HSD17B4: variants seen among roughly 807,000 people sequenced by gnomAD.
HSD17B4 encodes hydroxysteroid 17-beta dehydrogenase 4, also known as peroxisomal multifunctional enzyme type 2.
HSD17B4 carries 70 observed loss-of-function variants against 101.0 expected under a neutral mutation model. The observed-to-expected ratio is 0.69, with a 90% confidence interval of 0.57 to 0.85. The LOEUF is 0.85. Among genes scored for constraint, HSD17B4 ranks in the 40% least tolerant of loss-of-function variants. The pLI is 0.00. For missense variants in HSD17B4, 984 were observed against 892.4 expected, an observed-to-expected ratio of 1.10 and a Z score of -1.31; for synonymous variants, 347 against 297.1, an observed-to-expected ratio of 1.17 and a Z score of -1.73.
At position 119,507,905 on chromosome 5, in the gene HSD17B4, T is replaced by C. The variant is rs547197717; in HGVS notation, c.1333+1016T>C. Among the ~76,000 whole-genome samples the C allele has an allele frequency of 7.9e-5, 12 of 152,228 alleles. No individual in the cohort carries two copies. In the East Asian group the frequency reaches 1.2e-3, roughly 15 times the overall value. ...AAAAGTAGATATTTGTTGTCAGTGA[T>C]TTTGGAACCCAAGAACAGTATAAAG... On this transcript the variant is annotated intron_variant, in intron 15 of 23. Coordinates refer to ENST00000510025, the MANE Select transcript of HSD17B4 (RefSeq NM_000414.4).
chr5:119,457,881 A>T (rs1405480243), intron 2 of HSD17B4, among the ~76,000 whole-genome samples: 2 of 152,078 alleles, frequency 1.3e-5, no homozygotes, highest in Non-Finnish European at 2.9e-5. Context: ...TGTGTTTGAG[A>T]TTGGTTGAAT....
At chr5:119,541,836 A>T in intron 23 of HSD17B4, 69 bp from the exon 24 acceptor site, 1 of 794,350 alleles carries the variant, frequency 1.3e-6, no homozygotes, top group Non-Finnish European at 1.9e-6. Flanking sequence ...AATAATCTTA[A>T]AAAAAAAAAA....
chr5:119,455,486 C>T (rs551195545), intron 1 of HSD17B4, among the ~76,000 whole-genome samples: 1 of 151,598 alleles, frequency 6.6e-6, no homozygotes, highest in South Asian at 2.1e-4. Flanking sequence ...CACTGCACTC[C>T]AGCCTGGGCG....
Position 119,519,110 on chromosome 5 carries a change from T to C in HSD17B4, c.1503+4064T>C, listed in dbSNP as rs367767809. ...CTGTGATTACACCACTGCACTCCAG[T>C]CTAGGTAACAGAGCAAGACCCTGTC... On this transcript the variant is annotated intron_variant, in intron 17 of 23. Coordinates refer to ENST00000510025, the MANE Select transcript of HSD17B4 (RefSeq NM_000414.4). Among the ~76,000 whole-genome samples, 3 of 152,102 alleles carry C rather than the reference T, an allele frequency of 2.0e-5. No homozygotes were observed. The East Asian group carries it at 5.8e-4, about 29-fold the overall frequency.
rs138152741 is a variant in HSD17B4 at position 119,505,439 on chromosome 5, C to T, written c.1262-1379C>T. On this transcript the variant is annotated intron_variant, in intron 14 of 23. Coordinates refer to ENST00000510025, the MANE Select transcript of HSD17B4 (RefSeq NM_000414.4). ...TTTCTTTCAGCAGTGTTTTATAGTTCTCCTTGTAGAGACCTTACACCACCT... is the reference window on the plus strand; with the variant it reads ...TTTCTTTCAGCAGTGTTTTATAGTTTTCCTTGTAGAGACCTTACACCACCT... Among the ~76,000 whole-genome samples, 47 of 152,120 alleles carry T rather than the reference C, an allele frequency of 3.1e-4. No homozygotes were observed. The East Asian group carries it at 8.9e-3, about 29-fold the overall frequency.
intron 6 of HSD17B4, 40 bp downstream of exon 6, chr5:119,475,910 C>A (rs1042125415): frequency 2.1e-6 from 3 of 1,399,228 alleles, no homozygotes; most frequent in Non-Finnish European, 3.0e-6. Flanking sequence ...ACATACTTAT[C>A]CATTTAGCCT....
At chr5:119,476,739 G>A (rs545470692) in intron 6 of HSD17B4, 71 of 983,886 alleles carry the variant, frequency 7.2e-5, no homozygotes, top group Non-Finnish European at 8.2e-5. Context: ...TTCCTTCTCT[G>A]ATTCCATCCT....
chr5:119,493,746 AG>A, intron 10 of HSD17B4, 71 bp from the exon 11 acceptor site: 2 of 1,358,800 alleles, frequency 1.5e-6, no homozygotes, highest in Non-Finnish European at 2.1e-6. Flanking sequence ...TAAAAATGAA[AG>A]GGTTCTTATG....
At chr5:119,509,293 A>G (rs1490492300) in intron 16 of HSD17B4, 49 bp downstream of exon 16, 6 of 1,110,386 alleles carry the variant, frequency 5.4e-6, no homozygotes, top group Non-Finnish European at 6.9e-6. Context: ...AAGGATTCTT[A>G]CCTATACAAT....
intron 22 of HSD17B4, among the ~76,000 whole-genome samples, 179 bp downstream of exon 22, chr5:119,531,583 G>T (rs1187477620): frequency 6.6e-6 from 1 of 151,514 alleles, no homozygotes; most frequent in East Asian, 1.9e-4. Context: ...GTGTGTGTGT[G>T]TGTGTGTGTG....
intron 9 of HSD17B4, among the ~76,000 whole-genome samples, chr5:119,490,715 C>T (rs1750024969): frequency 6.6e-6 from 1 of 151,986 alleles, no homozygotes; most frequent in South Asian, 2.1e-4. Flanking sequence ...ATTACAGGCA[C>T]CCACCACCAA....
intron 2 of HSD17B4, among the ~76,000 whole-genome samples, chr5:119,472,735 A>C (rs1449438374): frequency 6.6e-6 from 1 of 152,140 alleles, no homozygotes; most frequent in Non-Finnish European, 1.5e-5. Flanking sequence ...CGCCCGGCCC[A>C]ACGTAATTGG....
intron 2 of HSD17B4, among the ~76,000 whole-genome samples, chr5:119,464,306 G>T (rs115372463): frequency 0.014 from 2,128 of 152,096 alleles, 54 homozygotes; most frequent in African/African-American, 0.048. Context: ...TCTTCTAGTA[G>T]TTTCATAGTT....
At chr5:119,507,017 A>G (rs1751713255) in intron 15 of HSD17B4, 128 bp downstream of exon 15, 1 of 572,946 alleles carries the variant, frequency 1.7e-6, no homozygotes, top group African/African-American at 1.9e-5. Flanking sequence ...AAACAAGATA[A>G]GCATTTTTAA....
intron 8 of HSD17B4, among the ~76,000 whole-genome samples, chr5:119,486,234 G>A (rs1182813797): frequency 1.3e-5 from 2 of 152,110 alleles, no homozygotes; most frequent in Non-Finnish European, 2.9e-5. Context: ...GTACCATCAC[G>A]TTTGTCCTAT....
Position 119,483,190 on chromosome 5 carries a change from C to T in HSD17B4, c.622+4169C>T, listed in dbSNP as rs146982160. 3.9e-4 allele frequency among the ~76,000 whole-genome samples: 60 copies of T among 152,214 alleles called. No individual in the cohort carries two copies. In the East Asian group the frequency reaches 0.011, roughly 27 times the overall value. On this transcript the variant is annotated intron_variant, in intron 8 of 23. Transcript: ENST00000510025. ...GAGTCTCCTCCTAAGATTGGGCCCTCCTAAGATGAAACAAGTCCACATTCA... is the reference window on the plus strand; with the variant it reads ...GAGTCTCCTCCTAAGATTGGGCCCTTCTAAGATGAAACAAGTCCACATTCA...
In HSD17B4 at chr5:119,517,259, G is replaced by A. The variant is rs1039973050; in HGVS notation, c.1503+2213G>A. Among the ~76,000 whole-genome samples the A allele has an allele frequency of 7.2e-5, 11 of 152,236 alleles. No individual in the cohort carries two copies. The East Asian group carries it at 2.1e-3, about 29-fold the overall frequency. On this transcript the variant is annotated intron_variant, in intron 17 of 23. Transcript: ENST00000510025. ...GGGCTTAGCACCCAGGCCAGCGGCT[G>A]CGGAGGGTGTACTGGGTCCCGCAGC...
chr5:119,465,930 T>A (rs888514286), intron 2 of HSD17B4, among the ~76,000 whole-genome samples: 3 of 152,226 alleles, frequency 2.0e-5, no homozygotes, highest in African/African-American at 7.2e-5. Flanking sequence ...TTTCAGCTGT[T>A]CCCTGTTGAG....
rs1169408908 is a variant in HSD17B4, at chr5:119,452,573, T to G, written c.-3T>G. 1.9e-6 allele frequency: 3 copies of G among 1,613,988 alleles called. No individual in the cohort carries two copies. The highest frequency in any genetic ancestry group is 2.5e-6 in the Non-Finnish European group (3 of 1,179,974). On this transcript the variant is annotated 5_prime_UTR_variant, in exon 1 of 24. Coordinates refer to ENST00000510025, the MANE Select transcript of HSD17B4 (RefSeq NM_000414.4). ...CGTGTGTGTGTCGTTGCAGGCCTTA[T>G]TCATGGGCTCACCGCTGAGGTTCGA... is the stretch of plus-strand genomic sequence containing the variant.
Sources: gnomAD v4.1 joint callset for allele counts (sites outside exome capture counted in the v4.1 genomes callset) on GRCh38, gnomAD v4.1.1 for gene constraint, MANE v1.5 for transcripts, NCBI Gene and HGNC (gene_info 2026-07-23, HGNC 2026-07-21) for gene names.